ERH: variants seen among roughly 807,000 people sequenced by gnomAD.
ERH encodes enhancer of rudimentary homolog.
A neutral mutation model predicts 16.8 loss-of-function variants in ERH; 1 was observed. The observed-to-expected ratio is 0.06, with a 90% CI of 0.02 to 0.28. The LOEUF (loss-of-function observed/expected upper bound fraction) is 0.28, where lower values mean the gene tolerates loss of function less well. Among genes scored for constraint, ERH ranks in the 10% least tolerant of loss-of-function variants. The pLI is 1.00. For missense variants in ERH, 42 were observed against 127.5 expected (o/e 0.33, Z 3.23); for synonymous variants, 43 against 43.6 (o/e 0.99, Z 0.05).
intron 2 of ERH, among the ~76,000 whole-genome samples, chr14:69,389,326 C>T (rs1477495707): frequency 6.6e-6 from 1 of 152,114 alleles, no homozygotes; most frequent in East Asian, 1.9e-4. Flanking sequence ...CATGCCCGGC[C>T]TCCATTATAC....
chr14:69,383,411 C>T (rs959242), intron 3 of ERH, among the ~76,000 whole-genome samples: 68,779 of 152,090 alleles, frequency 0.45, 15,737 homozygotes, highest in Middle Eastern at 0.59. Flanking sequence ...AAACCAAAAA[C>T]GGACCCAGTC....
chr14:69,391,283 A>G (rs1277303017), intron 2 of ERH, among the ~76,000 whole-genome samples: 4 of 152,174 alleles, frequency 2.6e-5, no homozygotes, highest in Non-Finnish European at 5.9e-5. Context: ...ATTCAAGGGA[A>G]TATTATTCAG....
intron 2 of ERH, among the ~76,000 whole-genome samples, chr14:69,389,656 A>T (rs551683078): frequency 6.6e-6 from 1 of 152,260 alleles, no homozygotes; most frequent in Non-Finnish European, 1.5e-5. Context: ...AAGTCTGAAA[A>T]TAAAATTAAG....
chr14:69,380,514 AC>A lies in ERH; in HGVS notation c.*23del, dbSNP rs542395083. 183 of 1,218,442 alleles carry A rather than the reference AC, an allele frequency of 1.5e-4. 2 individuals carry two copies. The highest frequency in any genetic ancestry group is 1.1e-3 in the South Asian group (90 of 83,176). 75.5% of individuals were successfully genotyped at this position (1,218,442 alleles called of 1,614,324 possible). ...ACACCTGTGTTCCAAGCCCACCCCA[AC>A]CCCCCCAGTGCTTCCAACACAATTA... On this transcript the variant is annotated 3_prime_UTR_variant, in exon 4 of 4. Coordinates refer to ENST00000557016, the MANE Select transcript of ERH (RefSeq NM_004450.3).
Position 69,380,649 on chromosome 14 carries a change from A to T in ERH, c.213-9T>A, listed in dbSNP as rs1261146608. 1.3e-6 allele frequency: 2 copies of T among 1,551,584 alleles called. No individual in the cohort carries two copies. Among genetic ancestry groups the T allele is most frequent in the South Asian group, 1.1e-5 (1 of 89,062 alleles). ...GGGTATCAGCTCGGTAACTGAGGAG[A>T]GAAAGGGAATAAGCAAAGTCACAGT... On this transcript the variant is annotated splice_polypyrimidine_tract_variant and intron_variant, in intron 3 of 3. Coordinates refer to ENST00000557016, the MANE Select transcript of ERH (RefSeq NM_004450.3).
At chr14:69,382,027 G>A (rs2045866574) in intron 3 of ERH, among the ~76,000 whole-genome samples, 1 of 152,210 alleles carries the variant, frequency 6.6e-6, no homozygotes, top group Non-Finnish European at 1.5e-5. Context: ...GCTTTAAAAA[G>A]TGAAGCAAGT....
Position 69,398,299 on chromosome 14 carries a change from C to A in ERH, c.-66G>T. 6.2e-7 allele frequency: 1 copy of A among 1,611,294 alleles called. No individual in the cohort carries two copies. On this transcript the variant is annotated 5_prime_UTR_variant, in exon 1 of 4. Transcript: ENST00000557016. ...CGCCGTTACACGAGCTTAACTACAA[C>A]GCCGCTAACAGCCAATCCTCGCGAG...
intron 1 of ERH, 62 bp downstream of exon 1, chr14:69,398,169 G>C: frequency 6.2e-7 from 1 of 1,607,988 alleles, no homozygotes; most frequent in Admixed American, 1.7e-5. Context: ...AAAACGTATG[G>C]GGCTGGGGTC....
chr14:69,398,095 T>C, intron 1 of ERH, 136 bp downstream of exon 1: 1 of 1,123,988 alleles, frequency 8.9e-7, no homozygotes, highest in Non-Finnish European at 1.3e-6. Context: ...GGAAGAAGGG[T>C]CAATCCACCG....
intron 2 of ERH, 67 bp downstream of exon 2, chr14:69,394,757 AT>A: frequency 1.7e-6 from 2 of 1,155,326 alleles, no homozygotes; most frequent in Non-Finnish European, 1.3e-6. Flanking sequence ...AAAAAAAAAA[AT>A]TTGGAGGGGA....
Position 69,387,148 on chromosome 14 carries a change from C to A in ERH, c.92-65G>T, listed in dbSNP as rs1451010508. 2.9e-6 allele frequency: 4 copies of A among 1,387,632 alleles called. No homozygotes were observed. In the East Asian group the frequency reaches 9.2e-5, roughly 32 times the overall value. The allele number at this position is 1,387,632 out of a possible 1,614,324, so 86.0% of individuals were successfully genotyped here. A position where few individuals can be genotyped will look rare whatever the true frequency, so the allele number is the denominator to read the frequency against. Reference sequence around the variant, plus strand: ...CATACACTTCTAGATATGAGCAGTGCTTATGAGCTGTGCTATATGTTGATA... The same window carrying A: ...CATACACTTCTAGATATGAGCAGTGATTATGAGCTGTGCTATATGTTGATA... On this transcript the variant is annotated intron_variant, in intron 2 of 3. Transcript: ENST00000557016.
chr14:69,391,944 C>T (rs1882223413), intron 2 of ERH, among the ~76,000 whole-genome samples: 1 of 152,090 alleles, frequency 6.6e-6, no homozygotes, highest in African/African-American at 2.4e-5. Context: ...CTAACATAAA[C>T]TGCGAACTTT....
chr14:69,380,673 G>A (rs1240990547), intron 3 of ERH, 33 bp from the exon 4 acceptor site: 2 of 1,283,998 alleles, frequency 1.6e-6, no homozygotes, highest in Non-Finnish European at 2.3e-6. Flanking sequence ...CAAAGTCACA[G>A]TGGTCAATCA....
intron 2 of ERH, among the ~76,000 whole-genome samples, chr14:69,389,797 A>G (rs968491910): frequency 7.2e-5 from 11 of 152,068 alleles, no homozygotes; most frequent in African/African-American, 2.4e-4. Context: ...CTTGAGACAC[A>G]GTCTCATTCT....
intron 3 of ERH, among the ~76,000 whole-genome samples, chr14:69,380,878 A>T (rs556028133): frequency 6.6e-6 from 1 of 152,352 alleles, no homozygotes; most frequent in Non-Finnish European, 1.5e-5. Context: ...TTTAAGTTAA[A>T]TGCCCAATAT....
At chr14:69,380,927 C>A (rs140468876) in intron 3 of ERH, among the ~76,000 whole-genome samples, 1 of 152,316 alleles carries the variant, frequency 6.6e-6, no homozygotes, top group African/African-American at 2.4e-5. Flanking sequence ...GACCAGAAAC[C>A]ATGTGTTCTT....
intron 2 of ERH, among the ~76,000 whole-genome samples, chr14:69,392,209 GA>G (rs150769493): frequency 0.23 from 29,900 of 130,924 alleles, 3,108 homozygotes; most frequent in African/African-American, 0.32. Flanking sequence ...TTTACTACAA[GA>G]AAAAAAAAAA....
intron 1 of ERH, among the ~76,000 whole-genome samples, chr14:69,396,336 A>G (rs1361642502): frequency 6.6e-6 from 1 of 152,246 alleles, no homozygotes; most frequent in Non-Finnish European, 1.5e-5. Context: ...ATCTCAGCTC[A>G]CCGCAACCTC....
At chr14:69,388,385 A>T (rs1270825226) in intron 2 of ERH, among the ~76,000 whole-genome samples, 6 of 149,050 alleles carry the variant, frequency 4.0e-5, no homozygotes, top group Admixed American at 1.3e-4. Context: ...TTTGAGATGG[A>T]GTTTTGCTCT....
Sources: gnomAD v4.1 joint callset for allele counts (sites outside exome capture counted in the v4.1 genomes callset) on GRCh38, gnomAD v4.1.1 for gene constraint, MANE v1.5 for transcripts, NCBI Gene and HGNC (gene_info 2026-07-23, HGNC 2026-07-21) for gene names.